The following GIGYF2 variants were observed in gnomAD, a reference collection of about 807,000 sequenced individuals.
The protein encoded by GIGYF2 is GRB10-interacting GYF protein 2.
Under a neutral mutation model 208.1 loss-of-function variants are expected in GIGYF2, and 25 were observed. The ratio of observed to expected loss-of-function variants is 0.12; its 90% CI spans 0.09 to 0.17. GIGYF2 has a LOEUF of 0.17. Ranked by LOEUF, GIGYF2 falls within the 10% of genes least tolerant of loss-of-function variation. The pLI is 1.00. For missense variants in GIGYF2, 1,302 were observed against 1,579.4 expected (o/e 0.82, Z 2.98); for synonymous variants, 534 against 543.8 (o/e 0.98, Z 0.25).
chr2:232,770,590 C>T (rs1437958255), intron 8 of GIGYF2, among the ~76,000 whole-genome samples: 1 of 127,040 alleles, frequency 7.9e-6, no homozygotes, highest in Non-Finnish European at 1.7e-5. Context: ...TGAAAACCTC[C>T]TTTTAAACCT....
chr2:232,760,710 T>G (rs952928637), intron 7 of GIGYF2, 119 bp downstream of exon 7: 16 of 699,342 alleles, frequency 2.3e-5, no homozygotes, highest in Non-Finnish European at 3.6e-5. Flanking sequence ...AAAATGCTCT[T>G]AAGTATTGAA....
At chr2:232,799,818 T>C (rs892419582) in intron 14 of GIGYF2, among the ~76,000 whole-genome samples, 1 of 152,182 alleles carries the variant, frequency 6.6e-6, no homozygotes, top group Non-Finnish European at 1.5e-5. Context: ...GTAGCCATCC[T>C]AATGGGTGTG....
rs1700065426 is a variant in GIGYF2, at chr2:232,791,386, G to T, written c.1222G>T (p.Ala408Ser). The change falls in exon 12 of 29, where the codon GCT becomes TCT. Residue 408 changes from alanine (A) to serine (S), a missense_variant. Coordinates refer to ENST00000373563, the MANE Select transcript of GIGYF2 (RefSeq NM_001103146.3). Reference protein sequence around the residue: ...DEPKTEQTEKAEEETRMENSL... With the variant: ...DEPKTEQTEKSEEETRMENSL... ...ACCAAAAACTGAGCAAACGGAAAAA[G>T]CTGAAGAGGAGACTCGGATGGAAAA... The T allele has an allele frequency of 6.2e-7, 1 of 1,614,086 alleles. No individual in the cohort carries two copies. Among genetic ancestry groups the T allele is most frequent in the South Asian group, 1.1e-5 (1 of 91,082 alleles).
At chr2:232,775,762 G>C (rs1699486361) in intron 8 of GIGYF2, among the ~76,000 whole-genome samples, 4 of 152,142 alleles carry the variant, frequency 2.6e-5, no homozygotes, top group Admixed American at 2.6e-4. Context: ...TCATACTGAG[G>C]AGTTAAGATA....
intron 23 of GIGYF2, among the ~76,000 whole-genome samples, chr2:232,841,150 A>G (rs1701802186): frequency 1.3e-5 from 2 of 152,130 alleles, no homozygotes; most frequent in Admixed American, 6.5e-5. Context: ...TGCAGAACAG[A>G]GTATGTCTCT....
At chr2:232,763,954 C>T (rs1267549038) in intron 8 of GIGYF2, among the ~76,000 whole-genome samples, 1 of 152,088 alleles carries the variant, frequency 6.6e-6, no homozygotes, top group African/African-American at 2.4e-5. Context: ...GGCGGGATTA[C>T]TGTAAATAAG....
In GIGYF2 at chr2:232,720,583, A is replaced by ATATATAT. The variant is rs376956632; in HGVS notation, c.-43-14571_-43-14570insATATATT. The stretch of plus-strand genomic sequence containing the variant: ...CAGTGTAATATATATATATATATAT[A>ATATATAT]TTTTTGTTTGTTTGTTTGTTTGTTT... On this transcript the variant is annotated intron_variant, in intron 2 of 28. Transcript: ENST00000373563. Among the ~76,000 whole-genome samples, 8 of 144,988 alleles carry ATATATAT rather than the reference A, an allele frequency of 5.5e-5. No individual in the cohort carries two copies. In the South Asian group the frequency reaches 1.4e-3, roughly 26 times the overall value.
intron 2 of GIGYF2, among the ~76,000 whole-genome samples, chr2:232,708,167 C>G (rs1574769430): frequency 6.6e-6 from 1 of 151,926 alleles, no homozygotes; most frequent in African/African-American, 2.4e-5. Flanking sequence ...GCCATGTTGC[C>G]CAGGCTGGTC....
chr2:232,853,403 G>A (rs1163653364), intron 28 of GIGYF2, among the ~76,000 whole-genome samples: 1 of 152,084 alleles, frequency 6.6e-6, no homozygotes, highest in African/African-American at 2.4e-5. Context: ...TCAGCCTCCC[G>A]AGTGCTGGGA....
chr2:232,770,921 G>A (rs1699219600), intron 8 of GIGYF2: 2 of 1,612,750 alleles, frequency 1.2e-6, no homozygotes, highest in Admixed American at 1.7e-5. Flanking sequence ...AAAGCCTCTA[G>A]CATGAGGCCT....
At chr2:232,771,615 T>C (rs1184629285) in intron 8 of GIGYF2, among the ~76,000 whole-genome samples, 1 of 152,234 alleles carries the variant, frequency 6.6e-6, no homozygotes, top group East Asian at 1.9e-4. Flanking sequence ...GTTAAAACAT[T>C]GTTTAACACT....
At chr2:232,705,573 T>C (rs2106246409) in intron 2 of GIGYF2, 1 of 152,132 alleles carries the variant, frequency 6.6e-6, no homozygotes, top group Non-Finnish European at 1.5e-5. Flanking sequence ...ACCCCGCTAA[T>C]TTTGTATTTG....
chr2:232,789,311 T>C (rs989847540), intron 9 of GIGYF2, among the ~76,000 whole-genome samples: 1 of 152,088 alleles, frequency 6.6e-6, no homozygotes, highest in African/African-American at 2.4e-5. Context: ...GAGCTGAACC[T>C]AGGAAAGTCA....
intron 5 of GIGYF2, among the ~76,000 whole-genome samples, chr2:232,755,155 C>A (rs1030398880): frequency 1.3e-5 from 2 of 152,060 alleles, no homozygotes; most frequent in East Asian, 1.9e-4. Context: ...TTGCAGGATT[C>A]TTTTTTACCT....
rs75848098 is a variant in GIGYF2, at chr2:232,755,033, G to A, written c.268-1190G>A. On this transcript the variant is annotated intron_variant, in intron 5 of 28. Transcript: ENST00000373563. ...ATAATGAAAGTAGAAGTTTTTTAAC[G>A]ATTAGATGTTGACTTCTTCAAAAGA... Among the ~76,000 whole-genome samples the A allele has an allele frequency of 6.3e-3, 958 of 152,142 alleles. 15 individuals are homozygous for A. The highest frequency in any genetic ancestry group is 0.022 in the African/African-American group (923 of 41,518).
intron 2 of GIGYF2, among the ~76,000 whole-genome samples, chr2:232,718,399 A>G (rs369258229): frequency 5.1e-4 from 77 of 152,252 alleles, no homozygotes; most frequent in African/African-American, 1.8e-3. Context: ...GCACCTGACT[A>G]GTTCCTTTTT....
chr2:232,729,776 T>C (rs1697366716), intron 2 of GIGYF2: 1 of 751,550 alleles, frequency 1.3e-6, no homozygotes, highest in South Asian at 1.4e-5. Flanking sequence ...ATCTATAAGA[T>C]GGAAGACTTG....
chr2:232,768,263 A>G (rs758581367), intron 8 of GIGYF2: 1 of 1,614,098 alleles, frequency 6.2e-7, no homozygotes, highest in Admixed American at 1.7e-5. Flanking sequence ...TATCCAGGTC[A>G]GTCCTGTTTG....
At chr2:232,707,655 T>TTGA (rs71398738) in intron 2 of GIGYF2, among the ~76,000 whole-genome samples, 1 of 151,302 alleles carries the variant, frequency 6.6e-6, no homozygotes, top group Non-Finnish European at 1.5e-5. Context: ...TTTTTTTTTT[T>TTGA]GAGACAGAGT....
Sources: allele counts gnomAD v4.1 joint callset (sites outside exome capture counted in the v4.1 genomes callset), GRCh38; gene constraint gnomAD v4.1.1; transcripts MANE v1.5; gene names NCBI Gene and HGNC (gene_info 2026-07-23, HGNC 2026-07-21).